Variants in PLXDC2 observed in about 807,000 individuals in gnomAD.
The protein encoded by PLXDC2 is plexin domain-containing protein 2.
Under a neutral mutation model 68.9 loss-of-function variants are expected in PLXDC2, and 40 were observed. The ratio of observed to expected loss-of-function variants is 0.58; its 90% CI spans 0.45 to 0.76. PLXDC2 has a LOEUF of 0.76. PLXDC2 is among the 30% of genes least tolerant of loss of function. The probability of loss-of-function intolerance (pLI) is 0.00; values close to 1 mark genes in which losing one functional copy is unlikely to be tolerated. For synonymous variants in PLXDC2, 243 were observed against 234.2 expected (o/e 1.04, Z -0.34); for missense variants, 644 against 661.9 (o/e 0.97, Z 0.30).
At chr10:20,010,978 A>G (rs923291222) in intron 2 of PLXDC2, among the ~76,000 whole-genome samples, 2 of 152,204 alleles carry the variant, frequency 1.3e-5, no homozygotes, top group African/African-American at 4.8e-5. Flanking sequence ...TTTTGCAAAC[A>G]TATTTCTCTT....
intron 7 of PLXDC2, 58 bp from the exon 8 acceptor site, chr10:20,176,941 C>T: frequency 8.0e-7 from 1 of 1,249,386 alleles, no homozygotes; most frequent in South Asian, 1.2e-5. Flanking sequence ...TATTAAAATG[C>T]TGTTGTTTTG....
At chr10:19,924,265 A>G (rs1833504972) in intron 1 of PLXDC2, among the ~76,000 whole-genome samples, 1 of 152,062 alleles carries the variant, frequency 6.6e-6, no homozygotes. Context: ...ACGTTTTCCT[A>G]ACATTTGGTG....
At chr10:20,008,196 A>G (rs1403829435) in intron 2 of PLXDC2, among the ~76,000 whole-genome samples, 3 of 152,184 alleles carry the variant, frequency 2.0e-5, no homozygotes, top group African/African-American at 7.2e-5. Flanking sequence ...CTAATAGCTG[A>G]TTGCAGCCTT....
At chr10:19,963,259 T>G (rs1353325692) in intron 1 of PLXDC2, among the ~76,000 whole-genome samples, 1 of 152,184 alleles carries the variant, frequency 6.6e-6, no homozygotes, top group Non-Finnish European at 1.5e-5. Context: ...ATTACTTTTA[T>G]TTTCATCTGA....
chr10:20,080,182 G>A (rs930111589), intron 4 of PLXDC2, among the ~76,000 whole-genome samples: 1 of 152,090 alleles, frequency 6.6e-6, no homozygotes, highest in African/African-American at 2.4e-5. Flanking sequence ...TCATTCTATC[G>A]AGAAAAAGCT....
In PLXDC2 at chr10:19,918,329, G is replaced by A. The variant is rs183339555; in HGVS notation, c.113-83446G>A. Reference sequence around the variant, plus strand: ...AATTAACCTGGGTTGCAGTAGTTGAGAAAATGCTTTGCAAAGCAGGTGGAG... The same window carrying A: ...AATTAACCTGGGTTGCAGTAGTTGAAAAAATGCTTTGCAAAGCAGGTGGAG... On this transcript the variant is annotated intron_variant, in intron 1 of 13. Coordinates refer to ENST00000377252, the MANE Select transcript of PLXDC2 (RefSeq NM_032812.9). Among the ~76,000 whole-genome samples, 37 of 152,284 alleles carry A rather than the reference G, an allele frequency of 2.4e-4. 1 individual carries two copies. Among genetic ancestry groups the A allele is most frequent in the Admixed American group, 2.3e-3 (35 of 15,300 alleles).
intron 9 of PLXDC2, among the ~76,000 whole-genome samples, chr10:20,191,566 C>T (rs1237189000): frequency 6.6e-6 from 1 of 150,962 alleles, no homozygotes; most frequent in Non-Finnish European, 1.5e-5. Flanking sequence ...TTGTCACTGC[C>T]CAGATTTCCT....
At chr10:19,875,603 G>A (rs191237610) in intron 1 of PLXDC2, among the ~76,000 whole-genome samples, 44 of 152,310 alleles carry the variant, frequency 2.9e-4, no homozygotes, top group African/African-American at 9.9e-4. Flanking sequence ...GTGTGCACAC[G>A]TGTGCACTAG....
chr10:20,215,765 T>C (rs1835127916), intron 10 of PLXDC2, among the ~76,000 whole-genome samples: 1 of 152,142 alleles, frequency 6.6e-6, no homozygotes, highest in Non-Finnish European at 1.5e-5. Context: ...GTCAAGTAAG[T>C]ATGCTGATTC....
At chr10:19,896,031 C>A (rs974820670) in intron 1 of PLXDC2, among the ~76,000 whole-genome samples, 3 of 152,160 alleles carry the variant, frequency 2.0e-5, no homozygotes, top group African/African-American at 7.2e-5. Flanking sequence ...CCCTAGCTGA[C>A]CCTGCAGTCT....
chr10:19,860,239 T>G (rs950651746), intron 1 of PLXDC2, among the ~76,000 whole-genome samples: 2 of 152,154 alleles, frequency 1.3e-5, no homozygotes, highest in Non-Finnish European at 2.9e-5. Flanking sequence ...TCTGAACAAT[T>G]ATGTTTGTTC....
chr10:19,947,496 A>G (rs182179631), intron 1 of PLXDC2, among the ~76,000 whole-genome samples: 1 of 152,306 alleles, frequency 6.6e-6, no homozygotes, highest in African/African-American at 2.4e-5. Context: ...TTCTGATAAC[A>G]AAATATTTCC....
At chr10:19,850,278 G>GT (rs35339352) in intron 1 of PLXDC2, among the ~76,000 whole-genome samples, 2,608 of 142,700 alleles carry the variant, frequency 0.018, 34 homozygotes, top group African/African-American at 0.038. Flanking sequence ...TAACTGATAG[G>GT]TTTTTTTTTT....
chr10:20,256,957 G>T (rs1318051969), intron 13 of PLXDC2, among the ~76,000 whole-genome samples: 1 of 152,192 alleles, frequency 6.6e-6, no homozygotes, highest in Non-Finnish European at 1.5e-5. Context: ...GAAAGAGTAA[G>T]TACCCCATAC....
intron 1 of PLXDC2, among the ~76,000 whole-genome samples, chr10:19,967,683 A>G (rs928625185): frequency 1.3e-5 from 2 of 152,204 alleles, no homozygotes; most frequent in Non-Finnish European, 2.9e-5. Flanking sequence ...TACTGAAAAA[A>G]CATTGCAGAT....
At chr10:19,911,331 T>G (rs1833267803) in intron 1 of PLXDC2, among the ~76,000 whole-genome samples, 1 of 152,112 alleles carries the variant, frequency 6.6e-6, no homozygotes, top group African/African-American at 2.4e-5. Flanking sequence ...CTAGGTATAT[T>G]TTACCTACAC....
At chr10:20,279,156 TAACTA>T (rs1453757086) in intron 13 of PLXDC2, among the ~76,000 whole-genome samples, 2 of 152,244 alleles carry the variant, frequency 1.3e-5, no homozygotes, top group African/African-American at 2.4e-5. Context: ...TGGGTATGCT[TAACTA>T]AATAAATAAT....
At chr10:19,989,632 A>G (rs1041692305) in intron 1 of PLXDC2, among the ~76,000 whole-genome samples, 2 of 152,174 alleles carry the variant, frequency 1.3e-5, no homozygotes, top group Non-Finnish European at 2.9e-5. Context: ...TGCACCCAGG[A>G]TGGAATAATA....
At chr10:20,211,937 G>A (rs1482929210) in intron 10 of PLXDC2, among the ~76,000 whole-genome samples, 2 of 152,006 alleles carry the variant, frequency 1.3e-5, no homozygotes, top group African/African-American at 2.4e-5. Flanking sequence ...TTACATTGTA[G>A]CAACTTGCTA....
Sources: allele counts gnomAD v4.1 joint callset (sites outside exome capture counted in the v4.1 genomes callset), GRCh38; gene constraint gnomAD v4.1.1; transcripts MANE v1.5; gene names NCBI Gene and HGNC (gene_info 2026-07-23, HGNC 2026-07-21).